Variants in NAALADL2 observed in about 807,000 individuals in gnomAD.
NAALADL2 encodes N-acetylated alpha-linked acidic dipeptidase like 2, also known as inactive N-acetylated-alpha-linked acidic dipeptidase-like protein 2.
NAALADL2 carries 76 observed loss-of-function variants against 87.2 expected under a neutral mutation model. The ratio of observed to expected loss-of-function variants is 0.87; its 90% CI spans 0.72 to 1.05. The LOEUF (loss-of-function observed/expected upper bound fraction) is 1.05, where lower values mean the gene tolerates loss of function less well. Ranked by LOEUF, NAALADL2 falls within the 50% of genes least tolerant of loss-of-function variation. The probability of loss-of-function intolerance (pLI) is 0.00; values close to 1 mark genes in which losing one functional copy is unlikely to be tolerated. For missense variants in NAALADL2, 1,089 were observed against 945.8 expected (o/e 1.15, Z -1.99); for synonymous variants, 354 against 331.0 (o/e 1.07, Z -0.75).
intron 1 of NAALADL2, among the ~76,000 whole-genome samples, chr3:174,515,526 C>T (rs989820929): frequency 6.6e-6 from 1 of 151,946 alleles, no homozygotes; most frequent in African/African-American, 2.4e-5. Flanking sequence ...CAGGGCTTGT[C>T]ACTCTTGCTA....
At chr3:175,069,712 CAT>C (rs2109137571) in intron 1 of NAALADL2, among the ~76,000 whole-genome samples, 1 of 152,098 alleles carries the variant, frequency 6.6e-6, no homozygotes, top group African/African-American at 2.4e-5. Context: ...CACATGCACA[CAT>C]ATGTTTATTG....
chr3:174,885,389 T>C (rs1220811294), intron 1 of NAALADL2, among the ~76,000 whole-genome samples: 3 of 152,316 alleles, frequency 2.0e-5, no homozygotes, highest in African/African-American at 7.2e-5. Context: ...CATCATTTTC[T>C]TTCATCACTT....
chr3:175,328,488 C>A (rs1342471773), intron 5 of NAALADL2, among the ~76,000 whole-genome samples: 1 of 151,712 alleles, frequency 6.6e-6, no homozygotes, highest in East Asian at 1.9e-4. Flanking sequence ...TCGTAGGGCA[C>A]GGGGAGCATC....
chr3:174,797,134 T>C (rs1718191045), intron 3 of NAALADL2, among the ~76,000 whole-genome samples: 1 of 152,020 alleles, frequency 6.6e-6, no homozygotes, highest in African/African-American at 2.4e-5. Context: ...CATTTTTGTA[T>C]ATGGTGAGAT....
At chr3:175,075,236 G>A (rs748169270) in intron 1 of NAALADL2, among the ~76,000 whole-genome samples, 10 of 152,008 alleles carry the variant, frequency 6.6e-5, no homozygotes, top group Non-Finnish European at 8.8e-5. Context: ...CAATTGTAAC[G>A]TATGCTATTA....
intron 2 of NAALADL2, among the ~76,000 whole-genome samples, chr3:174,718,711 C>G (rs1345203658): frequency 6.6e-6 from 1 of 152,188 alleles, no homozygotes; most frequent in Non-Finnish European, 1.5e-5. Flanking sequence ...GATCCATTCT[C>G]TAAATCCAGG....
intron 5 of NAALADL2, among the ~76,000 whole-genome samples, chr3:175,440,660 T>C (rs1166082506): frequency 6.6e-6 from 1 of 152,170 alleles, no homozygotes; most frequent in Non-Finnish European, 1.5e-5. Flanking sequence ...TAAAGGGGGT[T>C]GAGTTCTTGA....
chr3:174,544,057 A>G (rs1466704752), intron 1 of NAALADL2, among the ~76,000 whole-genome samples: 1 of 151,944 alleles, frequency 6.6e-6, no homozygotes, highest in African/African-American at 2.4e-5. Context: ...AAAACAAAAC[A>G]AAAAACCCCA....
intron 9 of NAALADL2, among the ~76,000 whole-genome samples, chr3:175,554,279 A>G (rs1228385397): frequency 6.6e-6 from 1 of 152,142 alleles, no homozygotes; most frequent in Non-Finnish European, 1.5e-5. Context: ...TCTATTCTGA[A>G]TGCAATGGGA....
intron 1 of NAALADL2, among the ~76,000 whole-genome samples, chr3:174,919,095 G>A (rs1438750867): frequency 6.6e-6 from 1 of 152,038 alleles, no homozygotes; most frequent in African/African-American, 2.4e-5. Context: ...AATCCTAGCA[G>A]TATTACAACT....
At chr3:174,501,319 C>T (rs1049019736) in intron 1 of NAALADL2, among the ~76,000 whole-genome samples, 8 of 142,984 alleles carry the variant, frequency 5.6e-5, no homozygotes, top group African/African-American at 2.4e-4. Flanking sequence ...ACCTCGTGAT[C>T]CGCCCGCCTC....
At chr3:174,795,117 G>A (rs1469845579) in intron 3 of NAALADL2, among the ~76,000 whole-genome samples, 2 of 147,324 alleles carry the variant, frequency 1.4e-5, no homozygotes, top group Non-Finnish European at 3.0e-5. Context: ...TCAGCCTCCC[G>A]AGTAGCTGGG....
chr3:175,606,757 T>G (rs1038068755), intron 10 of NAALADL2, among the ~76,000 whole-genome samples: 1 of 152,104 alleles, frequency 6.6e-6, no homozygotes, highest in South Asian at 2.1e-4. Context: ...CTAGCATACT[T>G]CTGTTCCTTG....
chr3:174,544,908 C>T (rs1239989634), intron 1 of NAALADL2, among the ~76,000 whole-genome samples: 1 of 151,920 alleles, frequency 6.6e-6, no homozygotes, highest in East Asian at 1.9e-4. Context: ...CAGAGTCTAG[C>T]TCCGTTGCCC....
chr3:175,273,743 T>C (rs1159986108), intron 4 of NAALADL2, among the ~76,000 whole-genome samples: 1 of 152,030 alleles, frequency 6.6e-6, no homozygotes, highest in African/African-American at 2.4e-5. Flanking sequence ...CGTGTGTGTG[T>C]GTGTGTTAAA....
At chr3:175,189,513 T>G (rs568458046) in intron 2 of NAALADL2, among the ~76,000 whole-genome samples, 1 of 152,038 alleles carries the variant, frequency 6.6e-6, no homozygotes, top group Non-Finnish European at 1.5e-5. Flanking sequence ...AGAATAAACC[T>G]AAGGAGGTAA....
intron 5 of NAALADL2, among the ~76,000 whole-genome samples, chr3:175,384,675 G>T (rs1315936504): frequency 6.6e-6 from 1 of 150,662 alleles, no homozygotes; most frequent in East Asian, 1.9e-4. Flanking sequence ...CAATAATATT[G>T]CATTATTACC....
intron 2 of NAALADL2, among the ~76,000 whole-genome samples, chr3:175,224,972 C>T (rs115628790): frequency 0.012 from 1,845 of 152,138 alleles, 43 homozygotes; most frequent in African/African-American, 0.043. Flanking sequence ...TTTTTGTAAC[C>T]TGACATGTCA....
chr3:174,888,839 T>C (rs1409550290), intron 1 of NAALADL2, among the ~76,000 whole-genome samples: 1 of 152,218 alleles, frequency 6.6e-6, no homozygotes, highest in African/African-American at 2.4e-5. Context: ...ATAAATTGAG[T>C]CAAAATATTT....
Sources: allele counts gnomAD v4.1 joint callset (sites outside exome capture counted in the v4.1 genomes callset), GRCh38; gene constraint gnomAD v4.1.1; transcripts MANE v1.5; gene names NCBI Gene and HGNC (gene_info 2026-07-23, HGNC 2026-07-21).